Variants in ST7L observed in about 807,000 individuals in gnomAD.
The protein encoded by ST7L is suppressor of tumorigenicity 7 protein-like.
ST7L carries 57 observed loss-of-function variants against 72.5 expected under a neutral mutation model. The ratio of observed to expected loss-of-function variants is 0.79; its 90% CI spans 0.64 to 0.98. The LOEUF is 0.98. Among genes scored for constraint, ST7L ranks in the 50% least tolerant of loss-of-function variants. The probability of loss-of-function intolerance (pLI) is 0.00; values close to 1 mark genes in which losing one functional copy is unlikely to be tolerated. For missense variants in ST7L, 576 were observed against 672.2 expected (o/e 0.86, Z 1.58); for synonymous variants, 221 against 240.9 (o/e 0.92, Z 0.77).
intron 10 of ST7L, among the ~76,000 whole-genome samples, chr1:112,577,876 T>G (rs1663400062): frequency 6.6e-6 from 1 of 152,180 alleles, no homozygotes; most frequent in Non-Finnish European, 1.5e-5. Context: ...GAGAATTCAC[T>G]AAGAGTAGCC....
At chr1:112,580,494 C>T (rs755694236) in intron 9 of ST7L, among the ~76,000 whole-genome samples, 5 of 152,118 alleles carry the variant, frequency 3.3e-5, no homozygotes, top group Admixed American at 6.5e-5. Context: ...TGAAAGATAC[C>T]ACCAGAAGCA....
downstream of ST7L, chr1:112,523,156 ACT>A (rs1282575082): frequency 2.0e-5 from 3 of 151,700 alleles, no homozygotes; most frequent in African/African-American, 7.3e-5. Flanking sequence ...CCTATACCCT[ACT>A]CTCTATTCTT....
At chr1:112,574,285 C>T (rs539875723) in intron 11 of ST7L, among the ~76,000 whole-genome samples, 61 of 149,940 alleles carry the variant, frequency 4.1e-4, no homozygotes, top group African/African-American at 1.2e-3. Context: ...GGCACTATCT[C>T]GGCTCACTGC....
chr1:112,565,211 A>ATT (rs777969643), intron 11 of ST7L, among the ~76,000 whole-genome samples: 1,625 of 57,920 alleles, frequency 0.028, 220 homozygotes, highest in African/African-American at 0.055. Context: ...TGTTCGGCTA[A>ATT]TTTTTTTTTT....
chr1:112,590,500 G>A (rs528745250), intron 6 of ST7L, among the ~76,000 whole-genome samples: 3 of 152,080 alleles, frequency 2.0e-5, no homozygotes, highest in African/African-American at 4.8e-5. Context: ...TTGCTCCACC[G>A]TGGGAAGGTC....
intron 11 of ST7L, among the ~76,000 whole-genome samples, chr1:112,567,949 A>G (rs1480144719): frequency 6.6e-6 from 1 of 152,174 alleles, no homozygotes; most frequent in Non-Finnish European, 1.5e-5. Flanking sequence ...AAGTTGGGCG[A>G]TATTATTCTA....
chr1:112,519,973 G>A (rs768196301), downstream of ST7L, among the ~76,000 whole-genome samples: 24 of 148,526 alleles, frequency 1.6e-4, no homozygotes, highest in Non-Finnish European at 3.6e-4. Context: ...TCCCAGCCTC[G>A]TGTTACTTTC....
At chr1:112,608,970 A>C (rs1373489256) in intron 3 of ST7L, among the ~76,000 whole-genome samples, 1 of 152,176 alleles carries the variant, frequency 6.6e-6, no homozygotes, top group Non-Finnish European at 1.5e-5. Flanking sequence ...TTATGGAATT[A>C]ACTCATTTGT....
At chr1:112,582,920 T>G (rs1664345400) in intron 7 of ST7L, among the ~76,000 whole-genome samples, 2 of 152,180 alleles carry the variant, frequency 1.3e-5, no homozygotes, top group African/African-American at 4.8e-5. Flanking sequence ...AAACAAAATT[T>G]CCATGGCTAA....
chr1:112,583,227 G>A (rs1664389054), intron 7 of ST7L, among the ~76,000 whole-genome samples: 1 of 152,104 alleles, frequency 6.6e-6, no homozygotes, highest in Non-Finnish European at 1.5e-5. Flanking sequence ...TTAGAACTTA[G>A]CTGCCAGTAG....
At chr1:112,551,237 C>G (rs892908275) in intron 12 of ST7L, among the ~76,000 whole-genome samples, 1 of 147,756 alleles carries the variant, frequency 6.8e-6, no homozygotes, top group African/African-American at 2.5e-5. Flanking sequence ...CAAGCTCTGC[C>G]TCCTGGGTTC....
chr1:112,543,063 G>C (rs1161912032), intron 13 of ST7L, among the ~76,000 whole-genome samples: 4 of 152,092 alleles, frequency 2.6e-5, no homozygotes, highest in African/African-American at 9.7e-5. Flanking sequence ...GCCTCCCAAA[G>C]CGCTGGGATT....
chr1:112,524,843 A>G lies in ST7L; in HGVS notation c.*1170T>C, dbSNP rs944196153. 20 of 152,092 alleles carry G rather than the reference A, an allele frequency of 1.3e-4. No individual in the cohort carries two copies. Among genetic ancestry groups the G allele is most frequent in the African/African-American group, 4.6e-4 (19 of 41,408 alleles). The allele number at this position is 152,092 out of a possible 1,614,324, so 9.4% of individuals were successfully genotyped here. ...AGTTCTGCTCATCCTCCTCTCCCCA[A>G]CAATTAAAAAAAAAAGCAATTAGAT... On this transcript the variant is annotated 3_prime_UTR_variant, in exon 15 of 15. Coordinates refer to ENST00000358039, the MANE Select transcript of ST7L (RefSeq NM_017744.5).
rs1308318369 is a variant in ST7L, at chr1:112,568,887, T to TATATAAAA, written c.1245+8098_1245+8099insTTTTATAT. On this transcript the variant is annotated intron_variant, in intron 11 of 14. Coordinates refer to ENST00000358039, the MANE Select transcript of ST7L (RefSeq NM_017744.5). The stretch of plus-strand genomic sequence containing the variant: ...ATATATATATATATATATATATATA[T>TATATAAAA]AAAACAAAAATTTAAAAATATGCAA... Among the ~76,000 whole-genome samples, 1,103 of 131,516 alleles carry TATATAAAA rather than the reference T, an allele frequency of 8.4e-3. 18 individuals are homozygous for TATATAAAA. The highest frequency in any genetic ancestry group is 0.011 in the Non-Finnish European group (718 of 63,696). The allele number at this position is 131,516 out of a possible 152,430, so 86.3% of individuals were successfully genotyped here. A position where few individuals can be genotyped will look rare whatever the true frequency, so the allele number is the denominator to read the frequency against.
intron 2 of ST7L, among the ~76,000 whole-genome samples, chr1:112,615,686 AT>A (rs1031463077): frequency 1.3e-5 from 2 of 151,164 alleles, no homozygotes; most frequent in Non-Finnish European, 3.0e-5. Flanking sequence ...CTCCATCTCA[AT>A]TTTTTTTTAA....
chr1:112,543,426 T>A (rs2101429751), intron 13 of ST7L, among the ~76,000 whole-genome samples: 1 of 152,276 alleles, frequency 6.6e-6, no homozygotes, highest in South Asian at 2.1e-4. Flanking sequence ...CACGCGCCTA[T>A]AGTCCCAGCT....
chr1:112,585,342 A>G (rs1664708543), intron 6 of ST7L, among the ~76,000 whole-genome samples: 1 of 152,236 alleles, frequency 6.6e-6, no homozygotes, highest in African/African-American at 2.4e-5. Context: ...GTCTGAATTG[A>G]GATGTGATGC....
chr1:112,555,966 C>T lies in ST7L; in HGVS notation c.1298G>A (p.Arg433Gln). ...ATAGGCAATTGCTTCACTATCACCC[C>T]GTTTCAGAATGTGTTCTGGAGGTAA... ...LILPPEHILKRGDSEAIAYAF... is the reference protein window; with the variant it reads ...LILPPEHILKQGDSEAIAYAF... Residue 433 changes from arginine to glutamine, a missense_variant, in exon 12 of 15, where the codon CGG (arginine) becomes CAG (glutamine). Physicochemically the swap from Arg to Gln is conservative, Grantham distance 43. This residue lies in a region of ST7L where 511 missense variants were observed against 600.7 expected (regional missense o/e 0.85). Transcript: ENST00000358039. 8 of 1,611,602 alleles carry T rather than the reference C, an allele frequency of 5.0e-6. No homozygotes were observed. In the South Asian group the frequency reaches 5.5e-5, roughly 11 times the overall value.
intron 14 of ST7L, chr1:112,526,507 AG>A: frequency 6.3e-6 from 1 of 159,162 alleles, no homozygotes; most frequent in South Asian, 1.8e-4. Context: ...TGGGAGGCCG[AG>A]GTGGGGCAGA....
Sources: gnomAD v4.1 joint callset for allele counts (sites outside exome capture counted in the v4.1 genomes callset) on GRCh38, gnomAD v4.1.1 for gene constraint, gnomAD v4.1.1 regional missense constraint, MANE v1.5 for transcripts, NCBI Gene and HGNC (gene_info 2026-07-23, HGNC 2026-07-21) for gene names.